Variants in C6orf15 observed in about 807,000 individuals in gnomAD.
The protein encoded by C6orf15 is uncharacterized protein C6orf15.
A neutral mutation model predicts 2.8 loss-of-function variants in C6orf15; 5 were observed. That is an observed-to-expected ratio of 1.80 (90% CI 0.94 to 3.78). The LOEUF (loss-of-function observed/expected upper bound fraction) is 3.78, where lower values mean the gene tolerates loss of function less well. C6orf15 is among the 30% of genes most tolerant of loss of function. The pLI, the probability that C6orf15 is intolerant of heterozygous loss-of-function variation, is 0.00. For missense variants in C6orf15, 363 were observed against 418.8 expected (o/e 0.87, Z 1.16); for synonymous variants, 145 against 163.2 (o/e 0.89, Z 0.85).
chr6:31,112,037 C>G lies in C6orf15; in HGVS notation c.322G>C (p.Asp108His). 6.2e-7 allele frequency: 1 copy of G among 1,614,136 alleles called. No homozygotes were observed. Among genetic ancestry groups the G allele is most frequent in the Non-Finnish European group, 8.5e-7 (1 of 1,180,018 alleles). ...CAAGGATCCTCAGGGGGCCAGGAAT[C>G]CATGGCAGGCAGCCCCCACGATGGA... ...WPPSWGLPAM[D>H]SWPPEDPWQM... The change falls in exon 2 of 2, where the codon GAT (aspartate) becomes CAT (histidine). Residue 108 changes from aspartate to histidine, a missense_variant. Coordinates refer to ENST00000259870, the MANE Select transcript of C6orf15 (RefSeq NM_014070.3).
chr6:31,112,539 G>A lies in C6orf15; in HGVS notation c.17C>T (p.Ala6Val). The part of the protein sequence containing the change: MQGRV[A>V]GSCAPLGLLL... ...CAGGCCCAGAGGAGCGCAGCTCCCT[G>A]CCACGCGGCCCTGCATCCTGCTCAG... The change falls in exon 1 of 2, where the codon GCA (alanine) becomes GTA (valine). Residue 6 changes from alanine to valine, a missense_variant. By Grantham distance (64) the Ala-to-Val change is moderately conservative. Coordinates refer to ENST00000259870, the MANE Select transcript of C6orf15 (RefSeq NM_014070.3). 1 of 1,549,132 alleles carries A rather than the reference G, an allele frequency of 6.5e-7. No individual in the cohort carries two copies. The highest frequency in any genetic ancestry group is 8.7e-7 in the Non-Finnish European group (1 of 1,145,538).
chr6:31,112,441 T>A, intron 1 of C6orf15, 48 bp downstream of exon 1: 1 of 1,479,158 alleles, frequency 6.8e-7, no homozygotes, highest in Non-Finnish European at 9.1e-7. Context: ...TCCTGTTTCC[T>A]GGGGGACCTC....
Position 31,112,084 on chromosome 6 carries a change from C to A in C6orf15, c.275G>T (p.Gly92Val). The A allele has an allele frequency of 6.2e-7, 1 of 1,614,050 alleles. No individual in the cohort carries two copies. The highest frequency in any genetic ancestry group is 8.5e-7 in the Non-Finnish European group (1 of 1,179,926). ...TGGAGGCCACCTCTGCACTGCAGAA[C>A]CTCCTGCAGGTGGGAAGCCATCTGA... ...PASDGFPPAG[G>V]SAVQRWPPSW... The change falls in exon 2 of 2, where the codon GGT becomes GTT. Residue 92 changes from glycine to valine, a missense_variant. Coordinates refer to ENST00000259870, the MANE Select transcript of C6orf15 (RefSeq NM_014070.3).
chr6:31,111,724 A>G lies in C6orf15; in HGVS notation c.635T>C (p.Leu212Pro), dbSNP rs146256667. The G allele has an allele frequency of 1.2e-6, 2 of 1,608,034 alleles. No homozygotes were observed. The change falls in exon 2 of 2, where the codon CTG becomes CCG. Residue 212 changes from leucine (L) to proline (P), a missense_variant. Transcript: ENST00000259870. ...ACCTCCCCAGGACACACTGGGATTC[A>G]GGGTACCCCAGGGGTGATCAGGCAG... is the stretch of plus-strand genomic sequence containing the variant. ...RVLPDHPWGTLNPSVSWGGGG... is the reference protein window; with the variant it reads ...RVLPDHPWGTPNPSVSWGGGG...
chr6:31,112,228 A>T lies in C6orf15; in HGVS notation c.131T>A (p.Leu44Ter). 1 of 1,614,008 alleles carries T rather than the reference A, an allele frequency of 6.2e-7. No homozygotes were observed. The highest frequency in any genetic ancestry group is 8.5e-7 in the Non-Finnish European group (1 of 1,179,962). ...EKVSQNLGTN[L>*]PQLGQPSSTG... Reference sequence around the variant, plus strand: ...GGAGGAAGGTTGTCCGAGCTGAGGCAAGTTGGTCCCCAAGTTTTGGGAAAC... The same window carrying T: ...GGAGGAAGGTTGTCCGAGCTGAGGCTAGTTGGTCCCCAAGTTTTGGGAAAC... Residue 44 changes from leucine (L) to a stop codon, truncating the protein, a stop_gained, in exon 2 of 2, where the codon TTG becomes TAG. Coordinates refer to ENST00000259870, the MANE Select transcript of C6orf15 (RefSeq NM_014070.3). LOFTEE classifies it low-confidence loss of function (END_TRUNC).
chr6:31,112,176 C>T lies in C6orf15; in HGVS notation c.183G>A (p.Pro61=), dbSNP rs775908437. 9.9e-6 allele frequency: 16 copies of T among 1,613,974 alleles called. No individual in the cohort carries two copies. The highest frequency in any genetic ancestry group is 9.9e-5 in the South Asian group (9 of 91,088). Residue 61 remains proline, a synonymous_variant, in exon 2 of 2, where the codon CCG becomes CCA. Transcript: ENST00000259870. ...SSTGPSNSEH[P]QPALDPRSND... ...TAGACCTAGGGTCCAGAGCGGGCTG[C>T]GGATGTTCAGAGTTAGAGGGGCCAG...
At position 31,111,853 on chromosome 6, in the gene C6orf15, AG is replaced by A; in HGVS notation, c.505del (p.Leu169SerfsTer44). 1.2e-6 allele frequency: 2 copies of A among 1,612,514 alleles called. No individual in the cohort carries two copies. The highest frequency in any genetic ancestry group is 1.7e-6 in the Non-Finnish European group (2 of 1,179,612). On this transcript the variant is annotated frameshift_variant, in exon 2 of 2. Transcript: ENST00000259870. LOFTEE classifies it low-confidence loss of function (END_TRUNC). Reference protein sequence around the residue: ...ATGLSPKASLLHQDSESRRLP... With the variant: ...ATGLSPKASLXHQDSESRRLP... ...TCGTCTGGACTCCGAGTCCTGGTGG[AG>A]GAGTGAAGCCTTGGGTGAGAGGCCT... is the stretch of plus-strand genomic sequence containing the variant.
At chr6:31,112,349 C>T in intron 1 of C6orf15, 58 bp from the exon 2 acceptor site, 1 of 1,527,640 alleles carries the variant, frequency 6.5e-7, no homozygotes, top group Non-Finnish European at 8.9e-7. Context: ...TCCCCAGTTC[C>T]CTTTGCTTCC....
rs200775083 is a variant in C6orf15 at position 31,112,253 on chromosome 6, C to T, written c.106G>A (p.Val36Ile). ...ARSIGVVEEK[V>I]SQNLGTNLPQ... The stretch of plus-strand genomic sequence containing the variant: ...AAGTTGGTCCCCAAGTTTTGGGAAA[C>T]TTTCTCCTCCACAACACCGATGCTC... Residue 36 changes from valine to isoleucine, a missense_variant, in exon 2 of 2, where the codon GTT becomes ATT. By Grantham distance (29) the Val-to-Ile change is conservative. Transcript: ENST00000259870. The T allele has an allele frequency of 6.2e-7, 1 of 1,613,748 alleles. No individual in the cohort carries two copies.
Position 31,111,626 on chromosome 6 carries a change from G to T in C6orf15, c.733C>A (p.Pro245Thr). The T allele has an allele frequency of 3.1e-6, 5 of 1,612,892 alleles. No individual in the cohort carries two copies. Among genetic ancestry groups the T allele is most frequent in the Non-Finnish European group, 4.2e-6 (5 of 1,179,932 alleles). ...PEGIWGINNQ[P>T]PGTSWGNINR... ...ATATTTCCCCAGCTGGTACCTGGGG[G>T]TTGATTATTGATACCCCAGATTCCC... Residue 245 changes from proline (P) to threonine (T), a missense_variant, in exon 2 of 2, where the codon CCC (proline) becomes ACC (threonine). By Grantham distance (38) the Pro-to-Thr change is conservative. Transcript: ENST00000259870.
In C6orf15 at chr6:31,112,113, A is replaced by C; in HGVS notation, c.246T>G (p.Pro82=). 1 of 1,614,080 alleles carries C rather than the reference A, an allele frequency of 6.2e-7. No homozygotes were observed. The change falls in exon 2 of 2, where the codon CCT becomes CCG. Residue 82 remains proline (P), a synonymous_variant. Coordinates refer to ENST00000259870, the MANE Select transcript of C6orf15 (RefSeq NM_014070.3). ...LARVPLKLSV[P]ASDGFPPAGG... Reference sequence around the variant, plus strand: ...CTGCAGGTGGGAAGCCATCTGATGCAGGCACGCTGAGCTTCAGAGGAACCC... The same window carrying C: ...CTGCAGGTGGGAAGCCATCTGATGCCGGCACGCTGAGCTTCAGAGGAACCC...
At chr6:31,112,406 TC>T in intron 1 of C6orf15, 82 bp downstream of exon 1, 2 of 1,447,736 alleles carry the variant, frequency 1.4e-6, no homozygotes, top group South Asian at 2.6e-5. Flanking sequence ...ATGTGTACCC[TC>T]CTGCCTTTAC....
In C6orf15 at chr6:31,111,970, G is replaced by A. The variant is rs1298952152; in HGVS notation, c.389C>T (p.Ala130Val). Residue 130 changes from alanine to valine, a missense_variant, in exon 2 of 2, where the codon GCG becomes GTG. Physicochemically the swap from Ala to Val is moderately conservative, Grantham distance 64. Coordinates refer to ENST00000259870, the MANE Select transcript of C6orf15 (RefSeq NM_014070.3). Reference protein sequence around the residue: ...AAAAEDRLGEALPEELSYLSS... With the variant: ...AAAAEDRLGEVLPEELSYLSS... Reference sequence around the variant, plus strand: ...GAGGTAAGAGAGTTCTTCAGGCAGCGCTTCCCCCAGGCGGTCCTCAGCCGC... The same window carrying A: ...GAGGTAAGAGAGTTCTTCAGGCAGCACTTCCCCCAGGCGGTCCTCAGCCGC... The A allele has an allele frequency of 1.2e-5, 19 of 1,613,100 alleles. No homozygotes were observed. The highest frequency in any genetic ancestry group is 3.3e-5 in the Admixed American group (2 of 60,006).
At position 31,111,455 on chromosome 6, in the gene C6orf15, G is replaced by A. The variant is rs150278073; in HGVS notation, c.904C>T (p.Arg302Cys). Residue 302 changes from arginine to cysteine, a missense_variant, in exon 2 of 2, where the codon CGC becomes TGC. Physicochemically the swap from Arg to Cys is radical, Grantham distance 180. Coordinates refer to ENST00000259870, the MANE Select transcript of C6orf15 (RefSeq NM_014070.3). ...INNPFPPGVL[R>C]PPGSSWNIPA... ...ATGTTCCAAGAAGAGCCAGGAGGGC[G>A]GAGGACTCCAGGAGGAAATGGGTTA... is the stretch of plus-strand genomic sequence containing the variant. 3.5e-5 allele frequency: 56 copies of A among 1,612,516 alleles called. No individual in the cohort carries two copies. Among genetic ancestry groups the A allele is most frequent in the African/African-American group, 1.7e-4 (13 of 74,862 alleles).
chr6:31,112,266 A>G lies in C6orf15; in HGVS notation c.93T>C (p.Val31=). 1 of 1,613,154 alleles carries G rather than the reference A, an allele frequency of 6.2e-7. No homozygotes were observed. The highest frequency in any genetic ancestry group is 8.5e-7 in the Non-Finnish European group (1 of 1,179,472). ...LPGLFARSIG[V]VEEKVSQNLG... The stretch of plus-strand genomic sequence containing the variant: ...AGTTTTGGGAAACTTTCTCCTCCAC[A>G]ACACCGATGCTCCGGGCAAAGAGGC... Residue 31 remains valine (V), a synonymous_variant, in exon 2 of 2, where the codon GTT becomes GTC. Transcript: ENST00000259870.
In C6orf15 at chr6:31,111,946, A is replaced by T; in HGVS notation, c.413T>A (p.Leu138His). 6.2e-7 allele frequency: 1 copy of T among 1,612,838 alleles called. No homozygotes were observed. Among genetic ancestry groups the T allele is most frequent in the Non-Finnish European group, 8.5e-7 (1 of 1,179,962 alleles). Residue 138 changes from leucine to histidine, a missense_variant, in exon 2 of 2, where the codon CTC (leucine) becomes CAC (histidine). Transcript: ENST00000259870. ...CGGAGCGAGGGCCGCAGCACTGGAG[A>T]GGTAAGAGAGTTCTTCAGGCAGCGC... Reference protein sequence around the residue: ...GEALPEELSYLSSAAALAPGS... With the variant: ...GEALPEELSYHSSAAALAPGS...
In C6orf15 at chr6:31,111,498, A is replaced by G. The variant is rs767029365; in HGVS notation, c.861T>C (p.His287=). Residue 287 remains histidine (H), a synonymous_variant, in exon 2 of 2, where the codon CAT becomes CAC. Transcript: ENST00000259870. The part of the protein sequence containing the change: ...RYPGGSWGNI[H]LYPGINNPFP... ...ATGGGTTATTGATACCTGGGTATAGATGAATATTCCCCCAGCTGCCTCCTG... is the reference window on the plus strand; with the variant it reads ...ATGGGTTATTGATACCTGGGTATAGGTGAATATTCCCCCAGCTGCCTCCTG... 1.2e-6 allele frequency: 2 copies of G among 1,612,892 alleles called. No individual in the cohort carries two copies. The highest frequency in any genetic ancestry group is 1.1e-5 in the South Asian group (1 of 91,082).
In C6orf15 at chr6:31,111,557, G is replaced by A. The variant is rs748635653; in HGVS notation, c.802C>T (p.Pro268Ser). The A allele has an allele frequency of 7.6e-6, 12 of 1,574,538 alleles. No individual in the cohort carries two copies. Among genetic ancestry groups the A allele is most frequent in the African/African-American group, 7.4e-5 (5 of 67,730 alleles). The change falls in exon 2 of 2, where the codon CCA (proline) becomes TCA (serine). Residue 268 changes from proline to serine, a missense_variant. By Grantham distance (74) the Pro-to-Ser change is moderately conservative. Coordinates refer to ENST00000259870, the MANE Select transcript of C6orf15 (RefSeq NM_014070.3). The part of the protein sequence containing the change: ...GGSWGNINRY[P>S]GGSWGNINRY... The stretch of plus-strand genomic sequence containing the variant: ...TTAATATTCCCCCAGCTGCCTCCTG[G>A]ATACCGATTAATATTTCCCCAGCTG...
chr6:31,112,322 G>GTCTCCAGTCCCCGAGTCCCC, intron 1 of C6orf15, 31 bp from the exon 2 acceptor site: 1 of 1,580,768 alleles, frequency 6.3e-7, no homozygotes, highest in Non-Finnish European at 8.6e-7. Context: ...AGCAACCAGT[G>GTCTCCAGTCCCCGAGTCCCC]GTCTCCAGTC....
Sources: gnomAD v4.1 joint callset for allele counts on GRCh38, gnomAD v4.1.1 for gene constraint, MANE v1.5 for transcripts, NCBI Gene and HGNC (gene_info 2026-07-23, HGNC 2026-07-21) for gene names.